Variants in ARHGEF18 observed in about 807,000 individuals in gnomAD.
ARHGEF18 encodes Rho/Rac guanine nucleotide exchange factor 18, also known as rho guanine nucleotide exchange factor 18.
Under a neutral mutation model 155.7 loss-of-function variants are expected in ARHGEF18, and 93 were observed. That is an observed-to-expected ratio of 0.60 (90% CI 0.50 to 0.71). ARHGEF18 has a LOEUF of 0.71. Ranked by LOEUF, ARHGEF18 falls within the 30% of genes least tolerant of loss-of-function variation. The probability of loss-of-function intolerance (pLI) is 0.00; values close to 1 mark genes in which losing one functional copy is unlikely to be tolerated. For missense variants in ARHGEF18, 1,593 were observed against 1,816.1 expected, an observed-to-expected ratio of 0.88 and a Z score of 2.23; for synonymous variants, 742 against 753.1, an observed-to-expected ratio of 0.99 and a Z score of 0.24.
At chr19:7,388,411 G>T (rs73923388) in intron 10 of ARHGEF18, among the ~76,000 whole-genome samples, 12,512 of 151,680 alleles carry the variant, frequency 0.082, 910 homozygotes, top group African/African-American at 0.19. Context: ...GCTCTAAACC[G>T]ATTTCCTCAT....
At chr19:7,466,825 AAGTT>A in intron 23 of ARHGEF18, 89 bp from the exon 24 acceptor site, 1 of 1,143,480 alleles carries the variant, frequency 8.7e-7, no homozygotes, top group African/African-American at 1.7e-5. Flanking sequence ...AAAAAAAAAA[AAGTT>A]AAAAAAAAAG....
chr19:7,389,565 G>GC (rs202136444), intron 10 of ARHGEF18, among the ~76,000 whole-genome samples: 1,493 of 137,944 alleles, frequency 0.011, 19 homozygotes, highest in African/African-American at 0.024. Flanking sequence ...ATGGAGTCTT[G>GC]CTGTGTCACC....
chr19:7,459,289 A>C (rs913671320), intron 19 of ARHGEF18, among the ~76,000 whole-genome samples: 1 of 152,010 alleles, frequency 6.6e-6, no homozygotes, highest in South Asian at 2.1e-4. Context: ...TGGCACAATC[A>C]TAGCTTATTG....
At position 7,395,832 on chromosome 19, in the gene ARHGEF18, GT is replaced by G. The variant is rs1222604129; in HGVS notation, c.967+12633del. ...CCCTGGTCCTTACATGTTTCGTTTT[GT>G]TTTACGTTTTTAAATTTCAACTTTT... On this transcript the variant is annotated intron_variant, in intron 10 of 28. Transcript: ENST00000668164. This position sits in a 1 kb window ranked among gnomAD's most constrained non-coding sequence, Gnocchi z 5.0. 6.6e-6 allele frequency among the ~76,000 whole-genome samples: 1 copy of G among 152,160 alleles called. No homozygotes were observed. Among genetic ancestry groups the G allele is most frequent in the Non-Finnish European group, 1.5e-5 (1 of 68,024 alleles).
At chr19:7,464,799 GCATTGTT>G in intron 23 of ARHGEF18, 109 bp downstream of exon 23, 2 of 1,420,238 alleles carry the variant, frequency 1.4e-6, no homozygotes, top group Admixed American at 4.4e-5. Flanking sequence ...GCATCGACAA[GCATTGTT>G]TGTTTTGTGG....
intron 2 of ARHGEF18, among the ~76,000 whole-genome samples, chr19:7,369,279 T>G (rs150855035): frequency 6.6e-6 from 1 of 151,022 alleles, no homozygotes; most frequent in East Asian, 2.0e-4. Flanking sequence ...CTGGGCAACA[T>G]GGAGAAACCC....
chr19:7,353,867 C>T (rs56989030), intron 1 of ARHGEF18, among the ~76,000 whole-genome samples: 2,980 of 149,546 alleles, frequency 0.02, 81 homozygotes, highest in African/African-American at 0.068. Flanking sequence ...GCAGGAGAAT[C>T]GCTTGAATCT....
At position 7,373,047 on chromosome 19, in the gene ARHGEF18, G is replaced by A. The variant is rs1600217817; in HGVS notation, c.251G>A (p.Arg84Gln). 2 of 1,234,446 alleles carry A rather than the reference G, an allele frequency of 1.6e-6. No individual in the cohort carries two copies. The highest frequency in any genetic ancestry group is 2.0e-6 in the Non-Finnish European group (2 of 988,220). The allele number at this position is 1,234,446 out of a possible 1,614,324, so 76.5% of individuals were successfully genotyped here. ...LSRRRSWERS[R>Q]SCSESWRRLS... ...AGGCGGCGCAGCTGGGAAAGGTCGCGGAGCTGCTCAGAGAGCTGGCGGAGG... is the reference window on the plus strand; with the variant it reads ...AGGCGGCGCAGCTGGGAAAGGTCGCAGAGCTGCTCAGAGAGCTGGCGGAGG... Residue 84 changes from arginine (R) to glutamine (Q), a missense_variant, in exon 3 of 29, where the codon CGG (arginine) becomes CAG (glutamine). Physicochemically the swap from Arg to Gln is conservative, Grantham distance 43. Coordinates refer to ENST00000668164, the MANE Select transcript of ARHGEF18 (RefSeq NM_001367823.1).
chr19:7,440,279 C>T lies in ARHGEF18; in HGVS notation c.968-65C>T, dbSNP rs746526947. Reference sequence around the variant, plus strand: ...GGCCGCAGTCGGAGCGGGGCTTCCGCGCCGGGGACCTCCGCTACCCGACCC... The same window carrying T: ...GGCCGCAGTCGGAGCGGGGCTTCCGTGCCGGGGACCTCCGCTACCCGACCC... On this transcript the variant is annotated intron_variant, in intron 10 of 28. Coordinates refer to ENST00000668164, the MANE Select transcript of ARHGEF18 (RefSeq NM_001367823.1). The surrounding 1 kb of genome is among the most constrained non-coding windows in gnomAD (Gnocchi z 5.4). The T allele has an allele frequency of 1.9e-6, 3 of 1,565,836 alleles. No individual in the cohort carries two copies. The highest frequency in any genetic ancestry group is 2.6e-6 in the Non-Finnish European group (3 of 1,155,550).
chr19:7,386,639 G>C (rs951332493), intron 10 of ARHGEF18, among the ~76,000 whole-genome samples: 38 of 152,034 alleles, frequency 2.5e-4, no homozygotes, highest in African/African-American at 8.2e-4. Context: ...AATGTGCCCC[G>C]GGCAGCAGAA....
chr19:7,458,244 A>G (rs1300940517), intron 18 of ARHGEF18, among the ~76,000 whole-genome samples: 2 of 145,288 alleles, frequency 1.4e-5, no homozygotes, highest in African/African-American at 5.1e-5. Flanking sequence ...CAATGATTGC[A>G]CCACTGCACT....
intron 10 of ARHGEF18, among the ~76,000 whole-genome samples, chr19:7,399,179 C>G (rs946088286): frequency 6.6e-6 from 1 of 152,168 alleles, no homozygotes; most frequent in Admixed American, 6.6e-5. Context: ...TGAAAACCCT[C>G]TCTCTAGGTG....
rs1468879730 is a variant in ARHGEF18 at position 7,463,876 on chromosome 19, A to G, written c.2694A>G (p.Glu898=). Residue 898 remains glutamate, a synonymous_variant, in exon 22 of 29, where the codon GAA becomes GAG. Transcript: ENST00000668164. The surrounding 1 kb of genome is among the most constrained non-coding windows in gnomAD (Gnocchi z 5.2). ...TGGGCAGCGCCAACGGCCAGGCGGA[A>G]GACGGAGGCAGCTCCACAGGCCCGC... The part of the protein sequence containing the change: ...RQLGSANGQA[E]DGGSSTGPPR... 6.2e-7 allele frequency: 1 copy of G among 1,602,506 alleles called. No homozygotes were observed. The highest frequency in any genetic ancestry group is 1.3e-5 in the African/African-American group (1 of 74,766).
At chr19:7,355,715 G>A in intron 1 of ARHGEF18, 1 of 985,438 alleles carries the variant, frequency 1.0e-6, no homozygotes, top group African/African-American at 1.7e-5. Flanking sequence ...TAAGCAGCTG[G>A]CAGTGACCAG....
downstream of ARHGEF18, among the ~76,000 whole-genome samples, chr19:7,476,369 C>T (rs1204403533): frequency 6.6e-6 from 1 of 152,236 alleles, no homozygotes; most frequent in African/African-American, 2.4e-5. Context: ...CGCACACACA[C>T]TGGCTGTTGT....
intron 10 of ARHGEF18, among the ~76,000 whole-genome samples, chr19:7,397,497 CCG>C (rs997607104): frequency 6.8e-6 from 1 of 146,414 alleles, no homozygotes; most frequent in South Asian, 2.1e-4. Flanking sequence ...TTTGGGAGGC[CCG>C]GGGGGGGGCA....
intron 10 of ARHGEF18, among the ~76,000 whole-genome samples, chr19:7,402,360 A>G (rs1223441002): frequency 6.6e-6 from 1 of 152,206 alleles, no homozygotes; most frequent in African/African-American, 2.4e-5. Flanking sequence ...CGGAGGTTGC[A>G]GTGAGCCGAG....
chr19:7,472,547 G>A (rs1977090807), downstream of ARHGEF18: 1 of 168,112 alleles, frequency 5.9e-6, no homozygotes, highest in African/African-American at 2.4e-5. Flanking sequence ...CGTTGCTGCA[G>A]GAGTAGCAGG....
intron 10 of ARHGEF18, among the ~76,000 whole-genome samples, chr19:7,421,799 G>T (rs1973364397): frequency 6.6e-6 from 1 of 152,046 alleles, no homozygotes; most frequent in Non-Finnish European, 1.5e-5. Flanking sequence ...CTTGATGATG[G>T]CCCTGACTCC....
Sources: allele counts gnomAD v4.1 joint callset (sites outside exome capture counted in the v4.1 genomes callset), GRCh38; gene constraint gnomAD v4.1.1; non-coding constraint Gnocchi (gnomAD v3.1); transcripts MANE v1.5; gene names NCBI Gene and HGNC (gene_info 2026-07-23, HGNC 2026-07-21).